GLE1: variants seen among roughly 807,000 people sequenced by gnomAD.
GLE1 encodes the protein mRNA export factor GLE1.
Under a neutral mutation model 97.3 loss-of-function variants are expected in GLE1, and 78 were observed. The ratio of observed to expected loss-of-function variants is 0.80; its 90% confidence interval spans 0.67 to 0.97. The LOEUF (loss-of-function observed/expected upper bound fraction) is 0.97. Ranked by LOEUF, GLE1 falls within the 50% of genes least tolerant of loss-of-function variation. The pLI, the probability that GLE1 is intolerant of heterozygous loss-of-function variation, is 0.00. For synonymous variants in GLE1, 302 were observed against 313.4 expected, an observed-to-expected ratio of 0.96 and a Z score of 0.39; for missense variants, 753 against 857.5, an observed-to-expected ratio of 0.88 and a Z score of 1.52.
intron 9 of GLE1, 115 bp from the exon 10 acceptor site, chr9:128,533,398 C>A: frequency 1.2e-6 from 1 of 856,104 alleles, no homozygotes; most frequent in Non-Finnish European, 1.8e-6. Flanking sequence ...CCACTGCACT[C>A]CAGCCTGGGC....
At chr9:128,512,068 C>A (rs1846841626) in intron 2 of GLE1, among the ~76,000 whole-genome samples, 1 of 152,142 alleles carries the variant, frequency 6.6e-6, no homozygotes. Context: ...ACTTGGCCTC[C>A]CAAAGTTCTG....
intron 3 of GLE1, among the ~76,000 whole-genome samples, chr9:128,516,854 G>A (rs1323670657): frequency 6.8e-6 from 1 of 147,612 alleles, no homozygotes; most frequent in East Asian, 2.1e-4. Flanking sequence ...TCAAACTCCT[G>A]ACCTCAGGTG....
intron 9 of GLE1, among the ~76,000 whole-genome samples, chr9:128,529,535 T>C (rs1847417648): frequency 6.6e-6 from 1 of 152,106 alleles, no homozygotes; most frequent in Admixed American, 6.6e-5. Context: ...CTAACATGAG[T>C]CTCCCTTGAT....
At chr9:128,540,165 A>G (rs1367770383) in intron 14 of GLE1, 110 bp from the exon 15 acceptor site, 8 of 787,924 alleles carry the variant, frequency 1.0e-5, no homozygotes, top group Admixed American at 1.9e-5. Context: ...TCGGTGAGCT[A>G]TGATCGCACC....
chr9:128,533,355 G>C (rs920398677), intron 9 of GLE1, among the ~76,000 whole-genome samples, 158 bp from the exon 10 acceptor site: 1 of 147,744 alleles, frequency 6.8e-6, no homozygotes, highest in African/African-American at 2.5e-5. Flanking sequence ...GCTTCAACTC[G>C]GGAGACGGAG....
intron 2 of GLE1, among the ~76,000 whole-genome samples, chr9:128,511,767 T>A (rs1247997597): frequency 1.3e-5 from 2 of 152,150 alleles, no homozygotes; most frequent in Non-Finnish European, 2.9e-5. Context: ...TGTAAGCCTT[T>A]TAGAACTAAA....
chr9:128,533,427 CAAAAAAAAAA>C (rs5900802), intron 9 of GLE1, 76 bp from the exon 10 acceptor site: 28 of 453,630 alleles, frequency 6.2e-5, no homozygotes, highest in Middle Eastern at 6.9e-4. Flanking sequence ...GATACTGTCT[CAAAAAAAAAA>C]AAAAAAAAAA....
chr9:128,527,050 A>G (rs1314443739), intron 7 of GLE1, 129 bp from the exon 8 acceptor site: 1 of 696,094 alleles, frequency 1.4e-6, no homozygotes, highest in Non-Finnish European at 2.6e-6. Context: ...TAATAATAGT[A>G]TCTATTTCAT....
intron 1 of GLE1, among the ~76,000 whole-genome samples, chr9:128,505,883 C>T (rs183866192): frequency 5.3e-5 from 8 of 152,292 alleles, no homozygotes; most frequent in East Asian, 3.9e-4. Context: ...ACCTCTATGA[C>T]GTTGCCAGAT....
chr9:128,540,487 C>T, intron 15 of GLE1, 149 bp downstream of exon 15: 1 of 687,802 alleles, frequency 1.5e-6, no homozygotes, highest in Non-Finnish European at 2.7e-6. Context: ...TCCCTCTTAA[C>T]CTTTGGAGTA....
intron 8 of GLE1, 39 bp from the exon 9 acceptor site, chr9:128,527,417 T>C (rs375689634): frequency 3.4e-6 from 5 of 1,460,702 alleles, no homozygotes; most frequent in Non-Finnish European, 4.8e-6. Flanking sequence ...TCTACTCAGC[T>C]CTTCAGAACA....
Position 128,541,372 on chromosome 9 carries a change from T to A in GLE1, c.*202T>A. On this transcript the variant is annotated 3_prime_UTR_variant, in exon 16 of 16. Transcript: ENST00000309971. ...GTCCCTTAGTAGATTTGGTAGTTCC[T>A]TAAGAGATCCACGTGATAAAATAAA... 1 of 593,968 alleles carries A rather than the reference T, an allele frequency of 1.7e-6. No individual in the cohort carries two copies. Among genetic ancestry groups the A allele is most frequent in the Non-Finnish European group, 3.0e-6 (1 of 333,836 alleles). 36.8% of individuals were successfully genotyped at this position (593,968 alleles called of 1,614,324 possible).
intron 6 of GLE1, 108 bp from the exon 7 acceptor site, chr9:128,525,084 G>A (rs1847263288): frequency 1.3e-6 from 1 of 791,056 alleles, no homozygotes; most frequent in Non-Finnish European, 2.2e-6. Flanking sequence ...GTTGAATGTG[G>A]ATACTCCATT....
At chr9:128,506,992 A>G (rs981750263) in intron 1 of GLE1, among the ~76,000 whole-genome samples, 6 of 152,158 alleles carry the variant, frequency 3.9e-5, no homozygotes, top group Admixed American at 3.3e-4. Flanking sequence ...TTATTATATC[A>G]TAGGTAATCA....
intron 2 of GLE1, among the ~76,000 whole-genome samples, chr9:128,513,948 G>A (rs1589046200): frequency 1.3e-5 from 2 of 150,772 alleles, no homozygotes; most frequent in South Asian, 4.2e-4. Context: ...AACCCGGGAG[G>A]CAGAGCTTGC....
At chr9:128,538,174 A>G in intron 13 of GLE1, 84 bp downstream of exon 13, 1 of 770,462 alleles carries the variant, frequency 1.3e-6, no homozygotes, top group Non-Finnish European at 2.3e-6. Flanking sequence ...GGGAAACAGC[A>G]TAGCATTTGG....
rs371896815 is a variant in GLE1 at position 128,532,855 on chromosome 9, G to A, written c.1313-658G>A. On this transcript the variant is annotated intron_variant, in intron 9 of 15. Transcript: ENST00000309971. ...TCTTTGGTACAAATATAGCTGTTAC[G>A]AATCCACTTCTGTGTCTCTGAGGAC... 2.3e-4 allele frequency among the ~76,000 whole-genome samples: 35 copies of A among 152,232 alleles called. No homozygotes were observed. The East Asian group carries it at 5.4e-3, about 24-fold the overall frequency.
chr9:128,519,787 A>G (rs1455535814), intron 3 of GLE1, among the ~76,000 whole-genome samples: 1 of 152,164 alleles, frequency 6.6e-6, no homozygotes, highest in African/African-American at 2.4e-5. Context: ...GAAACTCCCT[A>G]ATAAAAACTT....
rs1372530994 is a variant in GLE1 at position 128,541,926 on chromosome 9, G to A, written c.*756G>A. ...TTCTTTTCTGTTTGAATTAAGATGG[G>A]CTAAGATGGGGCTTGCAACATTAAA... On this transcript the variant is annotated 3_prime_UTR_variant, in exon 16 of 16. Coordinates refer to ENST00000309971, the MANE Select transcript of GLE1 (RefSeq NM_001003722.2). The A allele has an allele frequency of 3.3e-5, 5 of 152,182 alleles. No individual in the cohort carries two copies. Among genetic ancestry groups the A allele is most frequent in the African/African-American group, 1.2e-4 (5 of 41,420 alleles). The allele number at this position is 152,182 out of a possible 1,614,324, so 9.4% of individuals were successfully genotyped here. A position where few individuals can be genotyped will look rare whatever the true frequency, so the allele number is the denominator to read the frequency against.
Sources: allele counts gnomAD v4.1 joint callset (sites outside exome capture counted in the v4.1 genomes callset), GRCh38; gene constraint gnomAD v4.1.1; transcripts MANE v1.5; gene names NCBI Gene and HGNC (gene_info 2026-07-23, HGNC 2026-07-21).